UNC5C: variants seen among roughly 807,000 people sequenced by gnomAD.
UNC5C encodes the protein unc-5 netrin receptor C.
A neutral mutation model predicts 99.8 loss-of-function variants in UNC5C; 47 were observed. The ratio of observed to expected loss-of-function variants is 0.47; its 90% CI spans 0.37 to 0.60. The LOEUF is 0.60. Among genes scored for constraint, UNC5C ranks in the 20% least tolerant of loss-of-function variants. The probability of loss-of-function intolerance (pLI) is 0.00; values close to 1 mark genes in which losing one functional copy is unlikely to be tolerated. For missense variants in UNC5C, 1,062 were observed against 1,165.9 expected (o/e 0.91, Z 1.30); for synonymous variants, 487 against 452.2 (o/e 1.08, Z -0.98).
intron 12 of UNC5C, among the ~76,000 whole-genome samples, chr4:95,195,602 A>G (rs1161698101): frequency 1.3e-5 from 2 of 152,140 alleles, no homozygotes; most frequent in Non-Finnish European, 1.5e-5. Context: ...TGCCGAGGAA[A>G]TGCCAGGAGG....
intron 2 of UNC5C, among the ~76,000 whole-genome samples, chr4:95,304,207 T>C (rs1225016919): frequency 6.6e-6 from 1 of 152,212 alleles, no homozygotes; most frequent in African/African-American, 2.4e-5. Flanking sequence ...AACTCTATTG[T>C]GAAAAGCTTA....
At chr4:95,306,125 G>A (rs1040907007) in intron 2 of UNC5C, among the ~76,000 whole-genome samples, 2 of 152,114 alleles carry the variant, frequency 1.3e-5, no homozygotes, top group African/African-American at 4.8e-5. Flanking sequence ...CAGATATTAT[G>A]CTAAGTTGCA....
chr4:95,198,456 A>G (rs1478751456), intron 12 of UNC5C, among the ~76,000 whole-genome samples: 1 of 152,308 alleles, frequency 6.6e-6, no homozygotes, highest in African/African-American at 2.4e-5. Context: ...ATGCCAGTGA[A>G]TAGATAATGT....
At chr4:95,224,181 G>A (rs1253525991) in intron 7 of UNC5C, among the ~76,000 whole-genome samples, 1 of 152,218 alleles carries the variant, frequency 6.6e-6, no homozygotes, top group African/African-American at 2.4e-5. Flanking sequence ...TACTCAGGAG[G>A]CTGAGGTGGG....
chr4:95,315,400 T>G (rs1742436923), intron 2 of UNC5C, among the ~76,000 whole-genome samples: 1 of 152,196 alleles, frequency 6.6e-6, no homozygotes, highest in Non-Finnish European at 1.5e-5. Context: ...TTGTAATGTC[T>G]TTATGTCTAT....
chr4:95,448,813 A>G (rs1747197782), intron 1 of UNC5C, among the ~76,000 whole-genome samples: 1 of 152,228 alleles, frequency 6.6e-6, no homozygotes, highest in Admixed American at 6.5e-5. Flanking sequence ...AACATTTTAT[A>G]TCACTTAATG....
chr4:95,501,075 C>T (rs963756288), intron 1 of UNC5C, among the ~76,000 whole-genome samples: 2 of 152,084 alleles, frequency 1.3e-5, no homozygotes, highest in African/African-American at 4.8e-5. Context: ...ACACCAAACT[C>T]ATAAGCACTG....
chr4:95,413,774 A>G (rs978705495), intron 1 of UNC5C, among the ~76,000 whole-genome samples: 2 of 152,216 alleles, frequency 1.3e-5, no homozygotes, highest in African/African-American at 4.8e-5. Context: ...AAGAAAGCAG[A>G]AGAACATAAA....
intron 7 of UNC5C, among the ~76,000 whole-genome samples, chr4:95,236,601 A>T (rs563169112): frequency 7.7e-6 from 1 of 129,574 alleles, no homozygotes; most frequent in African/African-American, 2.6e-5. Flanking sequence ...ATAAATAAAT[A>T]AAAGAAAAAA....
At chr4:95,416,695 A>G (rs545398064) in intron 1 of UNC5C, among the ~76,000 whole-genome samples, 1 of 152,330 alleles carries the variant, frequency 6.6e-6, no homozygotes, top group East Asian at 1.9e-4. Context: ...CTTCTATGGT[A>G]TCATTATCAA....
intron 4 of UNC5C, among the ~76,000 whole-genome samples, chr4:95,262,160 G>C (rs1034661900): frequency 4.6e-5 from 7 of 152,218 alleles, no homozygotes; most frequent in African/African-American, 1.7e-4. Flanking sequence ...TAGTGTTGTA[G>C]TTGAGAAAAT....
chr4:95,331,280 A>G (rs9998511), intron 2 of UNC5C, among the ~76,000 whole-genome samples: 60,291 of 151,954 alleles, frequency 0.4, 13,681 homozygotes, highest in East Asian at 0.83. Flanking sequence ...TGAAAAACAT[A>G]TGAGTGCAGG....
At chr4:95,243,365 A>G (rs1330928601) in intron 6 of UNC5C, among the ~76,000 whole-genome samples, 2 of 152,148 alleles carry the variant, frequency 1.3e-5, no homozygotes, top group South Asian at 2.1e-4. Flanking sequence ...AGATATCTCT[A>G]TTTTAAAAGC....
At chr4:95,482,988 A>G (rs975864884) in intron 1 of UNC5C, among the ~76,000 whole-genome samples, 9 of 124,206 alleles carry the variant, frequency 7.2e-5, no homozygotes, top group Non-Finnish European at 1.5e-4. Context: ...GTGCACATGT[A>G]CCCTAAAACT....
intron 1 of UNC5C, among the ~76,000 whole-genome samples, chr4:95,403,572 A>G (rs920134532): frequency 2.0e-5 from 3 of 152,224 alleles, no homozygotes; most frequent in African/African-American, 7.2e-5. Context: ...AATATTTTAA[A>G]TATAATACCT....
At chr4:95,456,721 A>C (rs975574703) in intron 1 of UNC5C, among the ~76,000 whole-genome samples, 2 of 152,106 alleles carry the variant, frequency 1.3e-5, no homozygotes, top group Admixed American at 6.6e-5. Context: ...TAAAAATGAA[A>C]GTTTTTCTTT....
In UNC5C at chr4:95,487,715, G is replaced by A. The variant is rs75003106; in HGVS notation, c.124+61019C>T. ...ATTATAAATAGAATCTAAATTTGGG[G>A]TCTAAATTAAGAAAATACACGTAAG... On this transcript the variant is annotated intron_variant, in intron 1 of 15. Transcript: ENST00000453304. Among the ~76,000 whole-genome samples the A allele has an allele frequency of 3.2e-3, 480 of 151,704 alleles. 9 individuals carry two copies. The highest frequency in any genetic ancestry group is 0.017 in the East Asian group (88 of 5,086).
At chr4:95,397,021 C>T (rs6821365) in intron 1 of UNC5C, among the ~76,000 whole-genome samples, 8,721 of 151,856 alleles carry the variant, frequency 0.057, 560 homozygotes, top group African/African-American at 0.16. Context: ...CATTCAGGGT[C>T]GAGGAAGCCA....
chr4:95,323,217 G>T (rs1484700651), intron 2 of UNC5C, among the ~76,000 whole-genome samples: 1 of 152,138 alleles, frequency 6.6e-6, no homozygotes, highest in African/African-American at 2.4e-5. Context: ...AAATGTATTT[G>T]TTGAGCCCCT....
Sources: gnomAD v4.1 joint callset for allele counts (sites outside exome capture counted in the v4.1 genomes callset) on GRCh38, gnomAD v4.1.1 for gene constraint, MANE v1.5 for transcripts, NCBI Gene and HGNC (gene_info 2026-07-23, HGNC 2026-07-21) for gene names.